Variants in UNC5B observed in about 807,000 individuals in gnomAD.
The protein encoded by UNC5B is unc-5 netrin receptor B.
A neutral mutation model predicts 103.7 loss-of-function variants in UNC5B; 56 were observed. The observed-to-expected ratio is 0.54, with a 90% CI of 0.44 to 0.67. UNC5B has a LOEUF of 0.67. Among genes scored for constraint, UNC5B ranks in the 30% least tolerant of loss-of-function variants. The pLI is 0.00. For missense variants in UNC5B, 1,194 were observed against 1,284.5 expected, an observed-to-expected ratio of 0.93 and a Z score of 1.08; for synonymous variants, 577 against 542.0, an observed-to-expected ratio of 1.06 and a Z score of -0.90.
intron 1 of UNC5B, among the ~76,000 whole-genome samples, chr10:71,243,613 G>GT (rs1843957199): frequency 6.6e-6 from 1 of 152,232 alleles, no homozygotes; most frequent in African/African-American, 2.4e-5. Flanking sequence ...GCCAGGGTTA[G>GT]TTCCCTTCCC....
chr10:71,264,880 TC>T (rs1844489578), intron 1 of UNC5B, among the ~76,000 whole-genome samples: 1 of 148,788 alleles, frequency 6.7e-6, no homozygotes, highest in Non-Finnish European at 1.5e-5. Flanking sequence ...GTACCTGTAA[TC>T]CCAGCACTTT....
chr10:71,232,861 A>C (rs1843709046), intron 1 of UNC5B, among the ~76,000 whole-genome samples: 1 of 152,166 alleles, frequency 6.6e-6, no homozygotes, highest in African/African-American at 2.4e-5. Flanking sequence ...GGGTGTTCTC[A>C]TGCAGTCCTC....
intron 1 of UNC5B, among the ~76,000 whole-genome samples, chr10:71,248,783 A>G (rs1382672043): frequency 6.6e-6 from 1 of 152,026 alleles, no homozygotes; most frequent in East Asian, 1.9e-4. Context: ...CATAGAGAAC[A>G]TTGACATGCA....
At position 71,293,441 on chromosome 10, in the gene UNC5B, C is replaced by T; in HGVS notation, c.1809C>T (p.Pro603=). Residue 603 remains proline (P), a synonymous_variant, in exon 12 of 17, where the codon CCC becomes CCT. Coordinates refer to ENST00000335350, the MANE Select transcript of UNC5B (RefSeq NM_170744.5). The part of the protein sequence containing the change: ...LSEGTQTVLS[P]SVTCGPTGLL... ...AAGGGACCCAGACAGTATTGAGCCC[C>T]TCGGTGACCTGTGGACCCACAGGCC... 6.2e-7 allele frequency: 1 copy of T among 1,614,078 alleles called. No individual in the cohort carries two copies. The highest frequency in any genetic ancestry group is 8.5e-7 in the Non-Finnish European group (1 of 1,180,010).
intron 1 of UNC5B, among the ~76,000 whole-genome samples, chr10:71,278,061 G>C (rs1844814432): frequency 1.3e-5 from 2 of 152,224 alleles, no homozygotes; most frequent in Non-Finnish European, 2.9e-5. Context: ...TCTGCCTCTT[G>C]TTAGCTGTAT....
At chr10:71,262,060 C>G (rs78747281) in intron 1 of UNC5B, among the ~76,000 whole-genome samples, 1 of 151,948 alleles carries the variant, frequency 6.6e-6, no homozygotes, top group African/African-American at 2.4e-5. Context: ...CCAGACTGTT[C>G]GCTCTCAACT....
At chr10:71,270,039 C>T (rs1475122948) in intron 1 of UNC5B, among the ~76,000 whole-genome samples, 1 of 152,104 alleles carries the variant, frequency 6.6e-6, no homozygotes, top group African/African-American at 2.4e-5. Context: ...CCTGGTGGGG[C>T]TTGGAGCACA....
At chr10:71,259,900 TA>T (rs1208683236) in intron 1 of UNC5B, among the ~76,000 whole-genome samples, 1 of 152,142 alleles carries the variant, frequency 6.6e-6, no homozygotes, top group East Asian at 1.9e-4. Context: ...GGGGACTGGA[TA>T]GGGGCAGCTC....
At chr10:71,288,875 T>C (rs2277258) in intron 7 of UNC5B, 83 bp from the exon 8 acceptor site, 100,732 of 1,572,730 alleles carry the variant, frequency 0.064, 3,865 homozygotes, top group East Asian at 0.12. Context: ...ATCCATCATC[T>C]CATCTCATCC....
At chr10:71,285,946 C>T (rs1005828209) in intron 4 of UNC5B, among the ~76,000 whole-genome samples, 17 of 152,196 alleles carry the variant, frequency 1.1e-4, no homozygotes, top group East Asian at 1.9e-4. Flanking sequence ...GCAGAGTGGA[C>T]GGCTGGGGCA....
intron 13 of UNC5B, 29 bp from the exon 14 acceptor site, chr10:71,295,782 T>C: frequency 6.2e-7 from 1 of 1,604,492 alleles, no homozygotes; most frequent in Non-Finnish European, 8.5e-7. Context: ...GTGTGATGGG[T>C]TCCCCTTCCC....
intron 1 of UNC5B, chr10:71,217,536 C>T (rs1004593721): frequency 6.6e-6 from 1 of 152,246 alleles, no homozygotes; most frequent in East Asian, 1.9e-4. Flanking sequence ...AACTCCGGCC[C>T]GGAGCCGCCT....
chr10:71,245,676 G>A (rs1329208981), intron 1 of UNC5B, among the ~76,000 whole-genome samples: 2 of 152,162 alleles, frequency 1.3e-5, no homozygotes, highest in Non-Finnish European at 2.9e-5. Context: ...ACTAGGTTTG[G>A]GCCAGTCCTA....
intron 1 of UNC5B, among the ~76,000 whole-genome samples, chr10:71,266,470 C>T (rs1334820809): frequency 1.3e-5 from 2 of 152,188 alleles, no homozygotes; most frequent in Non-Finnish European, 2.9e-5. Flanking sequence ...TGAGCCAAGG[C>T]GGCCCAGCGA....
At chr10:71,238,451 C>T (rs751203565) in intron 1 of UNC5B, among the ~76,000 whole-genome samples, 2 of 152,138 alleles carry the variant, frequency 1.3e-5, no homozygotes, top group Non-Finnish European at 2.9e-5. Flanking sequence ...CCCTGCTGGA[C>T]GTCTGAGGCC....
intron 1 of UNC5B, among the ~76,000 whole-genome samples, chr10:71,234,474 A>T (rs868661133): frequency 6.6e-6 from 1 of 152,206 alleles, no homozygotes; most frequent in Non-Finnish European, 1.5e-5. Context: ...GGTTTCACTG[A>T]AAAGTATTCT....
chr10:71,291,083 C>T lies in UNC5B; in HGVS notation c.1268C>T (p.Pro423Leu), dbSNP rs755593813. The T allele has an allele frequency of 6.2e-7, 1 of 1,613,892 alleles. No homozygotes were observed. Among genetic ancestry groups the T allele is most frequent in the Non-Finnish European group, 8.5e-7 (1 of 1,179,954 alleles). The change falls in exon 9 of 17, where the codon CCC becomes CTC. Residue 423 changes from proline (P) to leucine (L), a missense_variant. Transcript: ENST00000335350. Reference protein sequence around the residue: ...SSAALTGGFHPVNFKTARPSN... With the variant: ...SSAALTGGFHLVNFKTARPSN... Reference sequence around the variant, plus strand: ...GCTGCCCTGACTGGTGGTTTCCACCCCGTCAACTTTAAGACGGCAAGGCCC... The same window carrying T: ...GCTGCCCTGACTGGTGGTTTCCACCTCGTCAACTTTAAGACGGCAAGGCCC...
intron 8 of UNC5B, 82 bp from the exon 9 acceptor site, chr10:71,290,833 C>A: frequency 6.7e-7 from 1 of 1,483,606 alleles, no homozygotes; most frequent in Non-Finnish European, 9.0e-7. Context: ...TGGGCCCTGC[C>A]CTTTCCAGGG....
chr10:71,254,639 C>T (rs1230269253), intron 1 of UNC5B, among the ~76,000 whole-genome samples: 1 of 152,230 alleles, frequency 6.6e-6, no homozygotes, highest in Non-Finnish European at 1.5e-5. Context: ...CTCCCGCCTC[C>T]CACCTTCCTC....
Sources: allele counts gnomAD v4.1 joint callset (sites outside exome capture counted in the v4.1 genomes callset), GRCh38; gene constraint gnomAD v4.1.1; transcripts MANE v1.5; gene names NCBI Gene and HGNC (gene_info 2026-07-23, HGNC 2026-07-21).